The following THADA variants were observed in gnomAD, a reference collection of about 807,000 sequenced individuals.
THADA encodes THADA armadillo repeat containing, also known as tRNA (32-2'-O)-methyltransferase regulator THADA.
THADA carries 213 observed loss-of-function variants against 219.8 expected under a neutral mutation model. The observed-to-expected ratio is 0.97, with a 90% CI of 0.87 to 1.09. The LOEUF (loss-of-function observed/expected upper bound fraction) is 1.09. THADA is among the 50% of genes least tolerant of loss of function. The pLI is 0.00. For missense variants in THADA, 2,956 were observed against 2,311.3 expected (o/e 1.28, Z -5.72); for synonymous variants, 1,018 against 828.9 (o/e 1.23, Z -3.92).
chr2:43,566,676 C>T, intron 15 of THADA, 22 bp downstream of exon 15: 1 of 1,608,312 alleles, frequency 6.2e-7, no homozygotes, highest in Non-Finnish European at 8.5e-7. Context: ...AATTACTTCC[C>T]CTAACATTAT....
chr2:43,352,558 A>G (rs540464444), intron 29 of THADA, among the ~76,000 whole-genome samples: 4 of 152,046 alleles, frequency 2.6e-5, no homozygotes, highest in Non-Finnish European at 5.9e-5. Context: ...ACTAAAAAAA[A>G]AATAATAATA....
At chr2:43,543,788 T>C (rs1457972639) in intron 20 of THADA, among the ~76,000 whole-genome samples, 2 of 152,076 alleles carry the variant, frequency 1.3e-5, no homozygotes, top group Non-Finnish European at 1.5e-5. Context: ...GTCAGATGAG[T>C]AGGTTGCGAA....
chr2:43,427,503 T>TTG (rs70963397), intron 28 of THADA, among the ~76,000 whole-genome samples: 34,482 of 140,302 alleles, frequency 0.25, 4,268 homozygotes, highest in East Asian at 0.33. Context: ...CTCCCAAAGT[T>TTG]TGTGTGTGTG....
intron 28 of THADA, among the ~76,000 whole-genome samples, chr2:43,416,708 A>G (rs1309733764): frequency 6.6e-6 from 1 of 152,210 alleles, no homozygotes; most frequent in Non-Finnish European, 1.5e-5. Flanking sequence ...TAACCTTTGG[A>G]TAATTATGAA....
intron 24 of THADA, among the ~76,000 whole-genome samples, 182 bp downstream of exon 24, chr2:43,505,437 AAAC>A (rs1689539386): frequency 6.6e-6 from 1 of 152,186 alleles, no homozygotes; most frequent in Admixed American, 6.5e-5. Context: ...CAAAGATTTA[AAAC>A]AACTGCAGGC....
chr2:43,531,827 T>C (rs886671962), intron 21 of THADA, among the ~76,000 whole-genome samples: 1 of 152,188 alleles, frequency 6.6e-6, no homozygotes, highest in African/African-American at 2.4e-5. Context: ...TTTTATTGCA[T>C]TTCTTTCTAG....
Position 43,498,868 on chromosome 2 carries a change from C to A in THADA, c.3709G>T (p.Ala1237Ser), listed in dbSNP as rs748490679. 3.0e-5 allele frequency: 49 copies of A among 1,612,586 alleles called. No homozygotes were observed. Among genetic ancestry groups the A allele is most frequent in the African/African-American group, 9.3e-5 (7 of 74,900 alleles). The change falls in exon 25 of 38, where the codon GCT becomes TCT. Residue 1237 changes from alanine to serine, a missense_variant. Transcript: ENST00000405975. ...GGTGATGTAAAACCCAGAATTGCAG[C>A]CTTAGCTCCATCAGCAACATAAGGA... is the stretch of plus-strand genomic sequence containing the variant. ...IIPYVADGAK[A>S]AILGFTSPVW... is the part of the protein sequence containing the mutation.
chr2:43,488,157 T>C (rs1558842118), intron 25 of THADA, among the ~76,000 whole-genome samples: 1 of 152,260 alleles, frequency 6.6e-6, no homozygotes, highest in African/African-American at 2.4e-5. Context: ...ATGATTGTTT[T>C]AAAATCACTT....
intron 35 of THADA, among the ~76,000 whole-genome samples, chr2:43,283,515 G>A (rs887959701): frequency 3.9e-5 from 6 of 152,234 alleles, no homozygotes; most frequent in South Asian, 2.1e-4. Context: ...GGGCAATGAA[G>A]TCCAGACTGA....
At chr2:43,451,834 C>G (rs1295104207) in intron 26 of THADA, among the ~76,000 whole-genome samples, 1 of 152,206 alleles carries the variant, frequency 6.6e-6, no homozygotes, top group Non-Finnish European at 1.5e-5. Flanking sequence ...AGGCTGGGCT[C>G]AGTGGCTCAC....
chr2:43,400,627 G>A (rs570225059), intron 28 of THADA, among the ~76,000 whole-genome samples: 1 of 151,954 alleles, frequency 6.6e-6, no homozygotes, highest in Admixed American at 6.6e-5. Context: ...TGGACACTGA[G>A]TTCTGTGACT....
At chr2:43,588,207 T>C (rs984143684) in intron 4 of THADA, among the ~76,000 whole-genome samples, 2 of 152,038 alleles carry the variant, frequency 1.3e-5, no homozygotes, top group East Asian at 1.9e-4. Context: ...GGGTAAGTGG[T>C]TCCCCATATA....
chr2:43,569,513 C>T (rs1236658952), intron 14 of THADA, among the ~76,000 whole-genome samples: 2 of 152,178 alleles, frequency 1.3e-5, no homozygotes, highest in Admixed American at 6.5e-5. Context: ...CAGGTTGTGA[C>T]GTCCCAATCT....
intron 19 of THADA, among the ~76,000 whole-genome samples, chr2:43,550,449 T>C (rs1159047091): frequency 6.6e-6 from 1 of 151,980 alleles, no homozygotes; most frequent in Non-Finnish European, 1.5e-5. Context: ...CAAGAAAAGA[T>C]CAGAGAATAA....
At chr2:43,296,870 CGG>C (rs141151713) in intron 31 of THADA, among the ~76,000 whole-genome samples, 23,479 of 151,164 alleles carry the variant, frequency 0.16, 2,247 homozygotes, top group African/African-American at 0.27. Flanking sequence ...GCTGGAGGAG[CGG>C]ACGGGCCCCG....
chr2:43,568,542 A>G (rs924945119), intron 14 of THADA, among the ~76,000 whole-genome samples: 3 of 152,250 alleles, frequency 2.0e-5, no homozygotes, highest in Non-Finnish European at 4.4e-5. Flanking sequence ...ATGCATACCT[A>G]TAACACAGAC....
intron 26 of THADA, chr2:43,430,759 A>G: frequency 2.7e-6 from 1 of 364,780 alleles, no homozygotes; most frequent in South Asian, 2.1e-5. Context: ...TGTCCTACAC[A>G]TTGTGGGATG....
At chr2:43,439,619 T>C (rs1372255303) in intron 26 of THADA, among the ~76,000 whole-genome samples, 3 of 152,218 alleles carry the variant, frequency 2.0e-5, no homozygotes, top group Admixed American at 6.5e-5. Context: ...CATATTGTTA[T>C]AGTTGTTCTA....
rs186957338 is a variant in THADA at position 43,314,029 on chromosome 2, G to A, written c.4438+6417C>T. ...GGCAGTGCTTGGCATAGAGATAGAT[G>A]CTCAATAAATGTTGGCCACTATTAT... On this transcript the variant is annotated intron_variant, in intron 31 of 37. Coordinates refer to ENST00000405975, the MANE Select transcript of THADA (RefSeq NM_022065.5). 6.4e-4 allele frequency among the ~76,000 whole-genome samples: 97 copies of A among 152,346 alleles called. 1 individual carries two copies. The highest frequency in any genetic ancestry group is 2.1e-3 in the African/African-American group (86 of 41,594).
Sources: allele counts gnomAD v4.1 joint callset (sites outside exome capture counted in the v4.1 genomes callset), GRCh38; gene constraint gnomAD v4.1.1; transcripts MANE v1.5; gene names NCBI Gene and HGNC (gene_info 2026-07-23, HGNC 2026-07-21).